DSCAML1: variants seen among roughly 807,000 people sequenced by gnomAD.
The protein encoded by DSCAML1 is DS cell adhesion molecule like 1, also known as cell adhesion molecule DSCAML1.
Under a neutral mutation model 200.5 loss-of-function variants are expected in DSCAML1, and 38 were observed. The observed-to-expected ratio is 0.19, with a 90% CI of 0.15 to 0.25. The LOEUF is 0.25. DSCAML1 is among the 10% of genes least tolerant of loss of function. DSCAML1 has a pLI of 1.00. For missense variants in DSCAML1, 2,223 were observed against 2,858.8 expected, an observed-to-expected ratio of 0.78 and a Z score of 5.07; for synonymous variants, 1,215 against 1,165.0, an observed-to-expected ratio of 1.04 and a Z score of -0.87.
At position 117,780,449 on chromosome 11, in the gene DSCAML1, G is replaced by C. The variant is rs375578087; in HGVS notation, c.364+44C>G. ...CGAATATCCTCAGAATGACGGCGCA[G>C]CCTCCTCCTGTGCCACTGGGGCAGC... On this transcript the variant is annotated intron_variant, in intron 2 of 32. Coordinates refer to ENST00000651296, the MANE Select transcript of DSCAML1 (RefSeq NM_020693.4). This position sits in a 1 kb window ranked among gnomAD's most constrained non-coding sequence, Gnocchi z 4.8. 1.8e-4 allele frequency: 246 copies of C among 1,399,816 alleles called. No individual in the cohort carries two copies. Among genetic ancestry groups the C allele is most frequent in the Non-Finnish European group, 2.2e-4 (238 of 1,069,640 alleles). The allele number at this position is 1,399,816 out of a possible 1,614,324, so 86.7% of individuals were successfully genotyped here. A position where few individuals can be genotyped will look rare whatever the true frequency, so the allele number is the denominator to read the frequency against.
chr11:117,755,078 C>A (rs1249446931), intron 3 of DSCAML1, among the ~76,000 whole-genome samples: 1 of 152,070 alleles, frequency 6.6e-6, no homozygotes, highest in Admixed American at 6.5e-5. Flanking sequence ...AAGAACTGCC[C>A]CCAAGGCCCC....
intron 3 of DSCAML1, among the ~76,000 whole-genome samples, chr11:117,569,322 T>C (rs373867240): frequency 6.6e-6 from 1 of 152,352 alleles, no homozygotes; most frequent in South Asian, 2.1e-4. Flanking sequence ...AAGGACTTCA[T>C]GTCTAAAACA....
intron 3 of DSCAML1, among the ~76,000 whole-genome samples, chr11:117,693,426 T>C (rs867812099): frequency 2.0e-5 from 3 of 152,240 alleles, no homozygotes; most frequent in Non-Finnish European, 2.9e-5. Flanking sequence ...TTGAAAAACA[T>C]GCCTTCTGGG....
intron 11 of DSCAML1, among the ~76,000 whole-genome samples, chr11:117,491,160 A>T (rs2049174604): frequency 6.6e-6 from 1 of 152,228 alleles, no homozygotes; most frequent in Non-Finnish European, 1.5e-5. Flanking sequence ...AGAGGCTGCT[A>T]AAATGCAACA....
chr11:117,788,536 A>G (rs990746678), intron 1 of DSCAML1, among the ~76,000 whole-genome samples: 3 of 152,140 alleles, frequency 2.0e-5, no homozygotes, highest in African/African-American at 7.2e-5. Context: ...CATGTTGGCC[A>G]AGCTGGTCTC....
intron 3 of DSCAML1, among the ~76,000 whole-genome samples, chr11:117,664,501 T>G (rs757298332): frequency 1.3e-5 from 2 of 152,098 alleles, no homozygotes; most frequent in Non-Finnish European, 2.9e-5. Context: ...TCTGCAAAAA[T>G]AGGGATGACA....
chr11:117,480,352 C>A lies in DSCAML1; in HGVS notation c.2785+91G>T. 1 of 1,555,974 alleles carries A rather than the reference C, an allele frequency of 6.4e-7. No individual in the cohort carries two copies. Among genetic ancestry groups the A allele is most frequent in the Non-Finnish European group, 8.7e-7 (1 of 1,147,314 alleles). On this transcript the variant is annotated intron_variant, in intron 14 of 32. Coordinates refer to ENST00000651296, the MANE Select transcript of DSCAML1 (RefSeq NM_020693.4). This position sits in a 1 kb window ranked among gnomAD's most constrained non-coding sequence, Gnocchi z 4.1. ...AGCTTGGATGGGCAGCCCTAAGGCTCAGGGGCTCTCCTCCCAGAGGGCACA... is the reference window on the plus strand; with the variant it reads ...AGCTTGGATGGGCAGCCCTAAGGCTAAGGGGCTCTCCTCCCAGAGGGCACA...
Position 117,431,389 on chromosome 11 carries a change from G to A in DSCAML1, c.5374+145C>T, listed in dbSNP as rs1183750521. 6.7e-6 allele frequency: 5 copies of A among 745,906 alleles called. No individual in the cohort carries two copies. The Admixed American group carries it at 9.6e-5, about 14-fold the overall frequency. The allele number at this position is 745,906 out of a possible 1,614,324, so 46.2% of individuals were successfully genotyped here. A position where few individuals can be genotyped will look rare whatever the true frequency, so the allele number is the denominator to read the frequency against. Reference sequence around the variant, plus strand: ...GTGTTTTTGTCCCAGCTGCACAGTGGGTCAGTGACCAGCTAGACATGAAAC... The same window carrying A: ...GTGTTTTTGTCCCAGCTGCACAGTGAGTCAGTGACCAGCTAGACATGAAAC... On this transcript the variant is annotated intron_variant, in intron 31 of 32. Coordinates refer to ENST00000651296, the MANE Select transcript of DSCAML1 (RefSeq NM_020693.4).
In DSCAML1 at chr11:117,530,095, T is replaced by C. The variant is rs146460732; in HGVS notation, c.658+2281A>G. On this transcript the variant is annotated intron_variant, in intron 4 of 32. Coordinates refer to ENST00000651296, the MANE Select transcript of DSCAML1 (RefSeq NM_020693.4). ...TGTGCCGGGGCCTCTCTCTTGTCTG[T>C]CGGTACCGTCCCATCTTCATGCCCG... 7.9e-5 allele frequency among the ~76,000 whole-genome samples: 12 copies of C among 152,206 alleles called. 1 individual carries two copies. In the East Asian group the frequency reaches 2.1e-3, roughly 27 times the overall value.
Position 117,642,766 on chromosome 11 carries a change from C to T in DSCAML1, c.512-110244G>A, listed in dbSNP as rs1490509435. Among the ~76,000 whole-genome samples the T allele has an allele frequency of 2.0e-5, 3 of 152,134 alleles. No individual in the cohort carries two copies. Among genetic ancestry groups the T allele is most frequent in the Non-Finnish European group, 2.9e-5 (2 of 68,024 alleles). ...GGCTGAGAAACACCCCTGGTGATTC[C>T]CATCTCACTCTTGGATTCCTTCATC... On this transcript the variant is annotated intron_variant, in intron 3 of 32. Coordinates refer to ENST00000651296, the MANE Select transcript of DSCAML1 (RefSeq NM_020693.4). This position sits in a 1 kb window ranked among gnomAD's most constrained non-coding sequence, Gnocchi z 4.1.
chr11:117,762,372 T>TG (rs1327281058), intron 3 of DSCAML1, among the ~76,000 whole-genome samples: 2 of 152,198 alleles, frequency 1.3e-5, no homozygotes, highest in African/African-American at 4.8e-5. Context: ...CCTGGCATAG[T>TG]GTCTGGTCCA....
chr11:117,749,989 A>G (rs1474091733), intron 3 of DSCAML1, among the ~76,000 whole-genome samples: 2 of 152,230 alleles, frequency 1.3e-5, no homozygotes. Context: ...ACTGTTCGAC[A>G]TATTAGGATT....
rs143858745 is a variant in DSCAML1 at position 117,527,524 on chromosome 11, A to G, written c.659-2441T>C. Among the ~76,000 whole-genome samples, 47 of 152,368 alleles carry G rather than the reference A, an allele frequency of 3.1e-4. No individual in the cohort carries two copies. The East Asian group carries it at 9.1e-3, about 29-fold the overall frequency. On this transcript the variant is annotated intron_variant, in intron 4 of 32. Transcript: ENST00000651296. Reference sequence around the variant, plus strand: ...TTTTCTGGATAGAAATCCACATTGCAGAACTGTATAGACTTGTGGAATTAT... The same window carrying G: ...TTTTCTGGATAGAAATCCACATTGCGGAACTGTATAGACTTGTGGAATTAT...
chr11:117,568,581 CAG>C (rs2050795189), intron 3 of DSCAML1, among the ~76,000 whole-genome samples: 1 of 151,810 alleles, frequency 6.6e-6, no homozygotes, highest in South Asian at 2.1e-4. Context: ...ACACCAACAA[CAG>C]ACAGAGAGCC....
chr11:117,519,193 A>G (rs1004718444), intron 6 of DSCAML1, among the ~76,000 whole-genome samples: 1 of 152,232 alleles, frequency 6.6e-6, no homozygotes, highest in Non-Finnish European at 1.5e-5. Flanking sequence ...TAATAAAGAC[A>G]CAAGCTCAGA....
chr11:117,775,013 T>A (rs776355814), intron 3 of DSCAML1, among the ~76,000 whole-genome samples: 7 of 152,226 alleles, frequency 4.6e-5, no homozygotes, highest in Non-Finnish European at 7.3e-5. Flanking sequence ...ATGTAATGCT[T>A]AGTCTATAAA....
intron 3 of DSCAML1, among the ~76,000 whole-genome samples, chr11:117,574,775 A>T (rs2050903862): frequency 6.6e-6 from 1 of 152,210 alleles, no homozygotes; most frequent in African/African-American, 2.4e-5. Flanking sequence ...AGCACCAGCC[A>T]GACTACAGAA....
At position 117,431,656 on chromosome 11, in the gene DSCAML1, G is replaced by A; in HGVS notation, c.5252C>T (p.Thr1751Ile). ...GGCAGGTGTGGAGGCCTGGCACTTG[G>A]TCAGGGTCCACTGGCTTGAGTACCG... ...RNRYSSQWTL[T>I]KCQASTPART... The change falls in exon 31 of 33, where the codon ACC (threonine) becomes ATC (isoleucine). Residue 1751 changes from threonine (T) to isoleucine (I), a missense_variant. By Grantham distance (89) the Thr-to-Ile change is moderately conservative (BLOSUM62 -1). Coordinates refer to ENST00000651296, the MANE Select transcript of DSCAML1 (RefSeq NM_020693.4). 2 of 1,613,134 alleles carry A rather than the reference G, an allele frequency of 1.2e-6. No homozygotes were observed. The highest frequency in any genetic ancestry group is 1.7e-6 in the Non-Finnish European group (2 of 1,179,384).
At chr11:117,482,640 T>C (rs1019123310) in intron 11 of DSCAML1, among the ~76,000 whole-genome samples, 5 of 149,944 alleles carry the variant, frequency 3.3e-5, no homozygotes, top group African/African-American at 1.2e-4. Flanking sequence ...TTGAGATATT[T>C]GCAATCACTG....
Sources: gnomAD v4.1 joint callset for allele counts (sites outside exome capture counted in the v4.1 genomes callset) on GRCh38, gnomAD v4.1.1 for gene constraint, Gnocchi (gnomAD v3.1) non-coding constraint, MANE v1.5 for transcripts, NCBI Gene and HGNC (gene_info 2026-07-23, HGNC 2026-07-21) for gene names.